Variants in PALM2AKAP2 observed in about 807,000 individuals in gnomAD.
The protein encoded by PALM2AKAP2 is PALM2-AKAP2 fusion protein.
In PALM2AKAP2, 37 loss-of-function variants were observed where a neutral mutation model predicts 71.5. The ratio of observed to expected loss-of-function variants is 0.52; its 90% CI spans 0.40 to 0.68. The LOEUF is 0.68. Among genes scored for constraint, PALM2AKAP2 ranks in the 30% least tolerant of loss-of-function variants. PALM2AKAP2 has a pLI of 0.00. For missense variants in PALM2AKAP2, 1,224 were observed against 1,191.8 expected, an observed-to-expected ratio of 1.03 and a Z score of -0.40; for synonymous variants, 468 against 478.8, an observed-to-expected ratio of 0.98 and a Z score of 0.29.
intron 6 of PALM2AKAP2, among the ~76,000 whole-genome samples, chr9:109,965,910 G>A (rs1440343052): frequency 6.6e-6 from 1 of 152,022 alleles, no homozygotes; most frequent in Admixed American, 6.6e-5. Context: ...CAAGGAGGTG[G>A]GATTTGAGAT....
At chr9:109,897,880 A>C (rs2131838276) in intron 3 of PALM2AKAP2, among the ~76,000 whole-genome samples, 1 of 152,330 alleles carries the variant, frequency 6.6e-6, no homozygotes, top group Admixed American at 6.5e-5. Context: ...TCCTCTCACC[A>C]AGATTCCACT....
At chr9:109,904,825 A>G (rs1830410355) in intron 3 of PALM2AKAP2, among the ~76,000 whole-genome samples, 1 of 152,182 alleles carries the variant, frequency 6.6e-6, no homozygotes, top group Non-Finnish European at 1.5e-5. Context: ...GGACTATCAG[A>G]TCATCTCTGT....
intron 1 of PALM2AKAP2, among the ~76,000 whole-genome samples, chr9:109,663,968 T>C (rs1827439295): frequency 6.6e-6 from 1 of 152,224 alleles, no homozygotes; most frequent in South Asian, 2.1e-4. Context: ...TTTTGATCTT[T>C]GTTGGTTTAA....
intron 3 of PALM2AKAP2, among the ~76,000 whole-genome samples, chr9:109,909,607 T>G (rs1830525507): frequency 6.6e-6 from 1 of 152,146 alleles, no homozygotes; most frequent in South Asian, 2.1e-4. Flanking sequence ...GAGCCCAAAA[T>G]CCATGAATGA....
At chr9:109,853,171 C>A (rs538594413) in intron 1 of PALM2AKAP2, among the ~76,000 whole-genome samples, 47 of 152,244 alleles carry the variant, frequency 3.1e-4, no homozygotes, top group Non-Finnish European at 5.4e-4. Context: ...AGCTTCCCCC[C>A]AGGGTTATAG....
intron 6 of PALM2AKAP2, among the ~76,000 whole-genome samples, chr9:110,013,238 C>T (rs1291598317): frequency 6.6e-6 from 1 of 152,308 alleles, no homozygotes; most frequent in East Asian, 1.9e-4. Context: ...GCATTATGCC[C>T]TCTAACATCC....
At chr9:109,814,892 G>A (rs1156307876) in intron 1 of PALM2AKAP2, among the ~76,000 whole-genome samples, 1 of 152,200 alleles carries the variant, frequency 6.6e-6, no homozygotes, top group Non-Finnish European at 1.5e-5. Flanking sequence ...TTTAGGTAGA[G>A]TTTGGATTTT....
chr9:109,840,136 A>C (rs1251603872), intron 1 of PALM2AKAP2, among the ~76,000 whole-genome samples: 1 of 152,254 alleles, frequency 6.6e-6, no homozygotes, highest in African/African-American at 2.4e-5. Flanking sequence ...TATAGTAACC[A>C]AAACAGCAAT....
chr9:109,985,211 A>G (rs956893493), intron 6 of PALM2AKAP2, among the ~76,000 whole-genome samples: 14 of 151,698 alleles, frequency 9.2e-5, no homozygotes, highest in Non-Finnish European at 1.5e-4. Context: ...AAAACAAAAA[A>G]CTAGATATTT....
intron 7 of PALM2AKAP2, chr9:110,024,971 C>A (rs1032648424): frequency 7.6e-7 from 1 of 1,317,990 alleles, no homozygotes; most frequent in African/African-American, 1.4e-5. Flanking sequence ...GTGGAGCAGG[C>A]TGGCACTTCA....
At chr9:110,152,244 G>GA (rs11375924) in intron 2 of PALM2AKAP2, among the ~76,000 whole-genome samples, 85,552 of 151,674 alleles carry the variant, frequency 0.56, 24,996 homozygotes, top group East Asian at 0.86. Flanking sequence ...AAAAATGAAA[G>GA]AAAAAAAAGT....
chr9:110,144,656 C>T (rs1836118847), intron 2 of PALM2AKAP2, among the ~76,000 whole-genome samples: 1 of 152,096 alleles, frequency 6.6e-6, no homozygotes. Context: ...TGGGTCAACA[C>T]CCTGTGATCA....
intron 6 of PALM2AKAP2, among the ~76,000 whole-genome samples, chr9:109,978,260 A>T (rs1832206581): frequency 6.6e-6 from 1 of 152,110 alleles, no homozygotes; most frequent in South Asian, 2.1e-4. Flanking sequence ...ATGTCAGTGG[A>T]GGTTGGCAGA....
chr9:109,900,845 G>T (rs1981035), intron 3 of PALM2AKAP2, among the ~76,000 whole-genome samples: 23,334 of 152,192 alleles, frequency 0.15, 2,242 homozygotes, highest in East Asian at 0.25. Flanking sequence ...AGTTAACTTT[G>T]ACTTCAGACA....
chr9:110,018,165 C>T (rs766699627), intron 7 of PALM2AKAP2, among the ~76,000 whole-genome samples: 6 of 152,140 alleles, frequency 3.9e-5, no homozygotes, highest in East Asian at 1.9e-4. Flanking sequence ...ACATCATTCT[C>T]GATCTCCGTT....
At chr9:109,895,807 A>G (rs1587991690) in intron 3 of PALM2AKAP2, among the ~76,000 whole-genome samples, 1 of 152,156 alleles carries the variant, frequency 6.6e-6, no homozygotes, top group Non-Finnish European at 1.5e-5. Context: ...ATGGCTGGGG[A>G]GGTTTCAGGA....
At chr9:110,058,866 A>G (rs1226820941) in intron 1 of PALM2AKAP2, among the ~76,000 whole-genome samples, 1 of 141,948 alleles carries the variant, frequency 7.0e-6, no homozygotes, top group Non-Finnish European at 1.5e-5. Flanking sequence ...TAAAATGAGT[A>G]TGCTTATTGT....
At chr9:109,910,801 G>A (rs374961696) in intron 3 of PALM2AKAP2, among the ~76,000 whole-genome samples, 18 of 152,020 alleles carry the variant, frequency 1.2e-4, no homozygotes, top group African/African-American at 3.9e-4. Flanking sequence ...CAGCAGGGCG[G>A]TGAGTGCAGA....
chr9:109,798,460 G>T (rs55857618), intron 1 of PALM2AKAP2, among the ~76,000 whole-genome samples: 1,824 of 152,234 alleles, frequency 0.012, 34 homozygotes, highest in African/African-American at 0.042. Flanking sequence ...GCCATTAATG[G>T]CTCAAACCTC....
Sources: allele counts gnomAD v4.1 joint callset (sites outside exome capture counted in the v4.1 genomes callset), GRCh38; gene constraint gnomAD v4.1.1; transcripts MANE v1.5; gene names NCBI Gene and HGNC (gene_info 2026-07-23, HGNC 2026-07-21).